BCL2: variants seen among roughly 807,000 people sequenced by gnomAD.
BCL2 encodes the protein apoptosis regulator Bcl-2.
Under a neutral mutation model 14.2 loss-of-function variants are expected in BCL2, and 1 was observed. The ratio of observed to expected loss-of-function variants is 0.07; its 90% CI spans 0.02 to 0.33. The LOEUF is 0.33. Ranked by LOEUF, BCL2 falls within the 10% of genes least tolerant of loss-of-function variation. BCL2 has a pLI of 0.99. For synonymous variants in BCL2, 151 were observed against 137.2 expected (o/e 1.10, Z -0.70); for missense variants, 247 against 305.9 (o/e 0.81, Z 1.44).
At chr18:63,303,468 C>A (rs1169355864) in intron 2 of BCL2, among the ~76,000 whole-genome samples, 1 of 152,124 alleles carries the variant, frequency 6.6e-6, no homozygotes, top group Non-Finnish European at 1.5e-5. Flanking sequence ...TAACTGGCTT[C>A]CTAAAGAACC....
At chr18:63,226,514 C>T (rs1393827536) in intron 2 of BCL2, among the ~76,000 whole-genome samples, 1 of 152,140 alleles carries the variant, frequency 6.6e-6, no homozygotes, top group Non-Finnish European at 1.5e-5. Flanking sequence ...ATAGCCATAA[C>T]ATGGAATTTT....
intron 2 of BCL2, among the ~76,000 whole-genome samples, chr18:63,210,769 C>T (rs1232207912): frequency 1.3e-5 from 2 of 152,036 alleles, no homozygotes; most frequent in East Asian, 1.9e-4. Flanking sequence ...AAAGATCTTT[C>T]CATTCACTTC....
chr18:63,302,811 G>A (rs1913006515), intron 2 of BCL2: 1 of 985,168 alleles, frequency 1.0e-6, no homozygotes, highest in Non-Finnish European at 1.2e-6. Context: ...GGCCCATGCT[G>A]AAACTCCCTT....
chr18:63,258,572 G>A (rs1333588288), intron 2 of BCL2, among the ~76,000 whole-genome samples: 1 of 152,154 alleles, frequency 6.6e-6, no homozygotes, highest in South Asian at 2.1e-4. Context: ...ACAAAACCTG[G>A]CCAGCTTTCT....
intron 2 of BCL2, among the ~76,000 whole-genome samples, chr18:63,301,759 G>A (rs1912966741): frequency 6.6e-6 from 1 of 152,182 alleles, no homozygotes; most frequent in African/African-American, 2.4e-5. Flanking sequence ...GCGGGGCTTT[G>A]TCCTTTTCAC....
rs1021654843 is a variant in BCL2, at chr18:63,168,250, C to G, written c.586-39491G>C. 2.0e-5 allele frequency among the ~76,000 whole-genome samples: 3 copies of G among 152,064 alleles called. No individual in the cohort carries two copies. The South Asian group carries it at 6.2e-4, about 32-fold the overall frequency. Reference sequence around the variant, plus strand: ...ACAAAGGAGGTTTAGAATTCCTTCCCTGGGCACATTTAAAAACAGGACTGG... The same window carrying G: ...ACAAAGGAGGTTTAGAATTCCTTCCGTGGGCACATTTAAAAACAGGACTGG... On this transcript the variant is annotated intron_variant, in intron 2 of 2. Transcript: ENST00000333681.
intron 2 of BCL2, among the ~76,000 whole-genome samples, chr18:63,214,558 A>G (rs977968434): frequency 6.6e-6 from 1 of 152,202 alleles, no homozygotes; most frequent in African/African-American, 2.4e-5. Flanking sequence ...GCTTTTGACA[A>G]AAACTATAAA....
At chr18:63,208,330 C>A (rs1909901113) in intron 2 of BCL2, among the ~76,000 whole-genome samples, 2 of 152,194 alleles carry the variant, frequency 1.3e-5, no homozygotes, top group South Asian at 4.1e-4. Context: ...CTGCGCCACA[C>A]TGTACCCCCC....
At chr18:63,301,794 C>T (rs1189923759) in intron 2 of BCL2, among the ~76,000 whole-genome samples, 1 of 152,172 alleles carries the variant, frequency 6.6e-6, no homozygotes, top group Non-Finnish European at 1.5e-5. Context: ...CGCCTGTCCA[C>T]GGCACAGAAT....
chr18:63,145,404 G>C (rs1175231483), intron 2 of BCL2, among the ~76,000 whole-genome samples: 1 of 152,028 alleles, frequency 6.6e-6, no homozygotes, highest in Non-Finnish European at 1.5e-5. Flanking sequence ...GGGGGTGGGG[G>C]GGCTTCTCTG....
intron 2 of BCL2, among the ~76,000 whole-genome samples, chr18:63,255,770 C>G (rs946409321): frequency 9.9e-5 from 15 of 151,892 alleles, no homozygotes; most frequent in African/African-American, 3.6e-4. Flanking sequence ...ACCACATGGT[C>G]CTAGGAAGGT....
chr18:63,176,849 T>C (rs1438781551), intron 2 of BCL2, among the ~76,000 whole-genome samples: 2 of 152,140 alleles, frequency 1.3e-5, no homozygotes, highest in Non-Finnish European at 2.9e-5. Context: ...ACTGTATGTT[T>C]GTACCCATTA....
chr18:63,249,709 C>CAAAAAAAA (rs11285614), intron 2 of BCL2, among the ~76,000 whole-genome samples: 3 of 52,904 alleles, frequency 5.7e-5, no homozygotes, highest in African/African-American at 1.7e-4. Context: ...GACTCCGCCT[C>CAAAAAAAA]AAAAAAAAAA....
At chr18:63,147,598 C>A (rs1163577648) in intron 2 of BCL2, among the ~76,000 whole-genome samples, 1 of 152,152 alleles carries the variant, frequency 6.6e-6, no homozygotes, top group African/African-American at 2.4e-5. Context: ...ACATTAGAAT[C>A]CCAGGCAGGG....
intron 2 of BCL2, among the ~76,000 whole-genome samples, chr18:63,246,596 C>G (rs1190745922): frequency 6.6e-6 from 1 of 152,160 alleles, no homozygotes; most frequent in Non-Finnish European, 1.5e-5. Context: ...CCTACCCGCT[C>G]CCTCCCATGA....
intron 2 of BCL2, among the ~76,000 whole-genome samples, chr18:63,169,389 TTTTCTTTCTTTCTTTTTCTTTC>T (rs1915164473): frequency 2.5e-5 from 1 of 40,768 alleles, no homozygotes; most frequent in African/African-American, 1.1e-4. Context: ...CTTTCTTTCT[TTTTCTTTCTTTCTTTTTCTTTC>T]TCTCTCTCTC....
intron 2 of BCL2, among the ~76,000 whole-genome samples, chr18:63,234,833 CTTA>C (rs1195751680): frequency 6.6e-6 from 1 of 152,162 alleles, no homozygotes; most frequent in Non-Finnish European, 1.5e-5. Flanking sequence ...TCACAGATCT[CTTA>C]TGAGAATAAA....
chr18:63,135,896 T>C (rs1448573376), intron 2 of BCL2, among the ~76,000 whole-genome samples: 1 of 152,142 alleles, frequency 6.6e-6, no homozygotes, highest in Non-Finnish European at 1.5e-5. Context: ...CTTCTTCCTA[T>C]ACTGTGCCTC....
intron 2 of BCL2, among the ~76,000 whole-genome samples, chr18:63,178,063 C>A (rs1409701333): frequency 1.3e-5 from 2 of 152,196 alleles, no homozygotes; most frequent in Non-Finnish European, 2.9e-5. Context: ...GTGTTTCAGG[C>A]GTGAGCCAAG....
Sources: gnomAD v4.1 joint callset for allele counts (sites outside exome capture counted in the v4.1 genomes callset) on GRCh38, gnomAD v4.1.1 for gene constraint, MANE v1.5 for transcripts, NCBI Gene and HGNC (gene_info 2026-07-23, HGNC 2026-07-21) for gene names.